PCCA: variants seen among roughly 807,000 people sequenced by gnomAD.
The protein encoded by PCCA is propionyl-CoA carboxylase alpha chain, mitochondrial.
Under a neutral mutation model 101.3 loss-of-function variants are expected in PCCA, and 74 were observed. The ratio of observed to expected loss-of-function variants is 0.73; its 90% CI spans 0.61 to 0.89. The LOEUF (loss-of-function observed/expected upper bound fraction) is 0.89, where lower values mean the gene tolerates loss of function less well. Ranked by LOEUF, PCCA falls within the 40% of genes least tolerant of loss-of-function variation. The probability of loss-of-function intolerance (pLI) is 0.00; values close to 1 mark genes in which losing one functional copy is unlikely to be tolerated. For missense variants in PCCA, 891 were observed against 907.0 expected (o/e 0.98, Z 0.23); for synonymous variants, 294 against 313.6 (o/e 0.94, Z 0.66).
chr13:100,300,788 G>A (rs2066001855), intron 12 of PCCA, among the ~76,000 whole-genome samples: 1 of 152,232 alleles, frequency 6.6e-6, no homozygotes, highest in Non-Finnish European at 1.5e-5. Context: ...ATGTGTTAGT[G>A]CAGAAGGCCA....
At chr13:100,186,744 A>AAAAAAAAAAAC (rs1440286913) in intron 6 of PCCA, among the ~76,000 whole-genome samples, 2 of 151,556 alleles carry the variant, frequency 1.3e-5, no homozygotes, top group Non-Finnish European at 2.9e-5. Context: ...ATCTCAAAAA[A>AAAAAAAAAAAC]AAAACAAAAA....
At chr13:100,493,998 G>T (rs1411503349) in intron 21 of PCCA, among the ~76,000 whole-genome samples, 2 of 151,976 alleles carry the variant, frequency 1.3e-5, no homozygotes, top group Admixed American at 1.3e-4. Context: ...TGACCATCCT[G>T]GCCAACATGG....
At chr13:100,242,846 A>G (rs765459723) in intron 8 of PCCA, among the ~76,000 whole-genome samples, 1 of 152,120 alleles carries the variant, frequency 6.6e-6, no homozygotes, top group Non-Finnish European at 1.5e-5. Flanking sequence ...TTCTTTGCAA[A>G]TGATTGCTTT....
intron 22 of PCCA, among the ~76,000 whole-genome samples, chr13:100,522,192 A>G (rs1382711149): frequency 6.6e-6 from 1 of 152,224 alleles, no homozygotes; most frequent in Non-Finnish European, 1.5e-5. Flanking sequence ...GGTTCCTTGC[A>G]GCGGGCCCAA....
At chr13:100,478,123 C>T (rs542617052) in intron 21 of PCCA, among the ~76,000 whole-genome samples, 1 of 152,294 alleles carries the variant, frequency 6.6e-6, no homozygotes, top group Non-Finnish European at 1.5e-5. Context: ...TGCATTTTAC[C>T]CTGAAGAGGA....
At chr13:100,459,817 T>C (rs906842314) in intron 21 of PCCA, among the ~76,000 whole-genome samples, 1 of 152,188 alleles carries the variant, frequency 6.6e-6, no homozygotes, top group African/African-American at 2.4e-5. Flanking sequence ...GAAGTCTAAG[T>C]AAGGTGCCAG....
intron 13 of PCCA, 146 bp downstream of exon 13, chr13:100,301,749 T>A: frequency 1.0e-6 from 1 of 982,688 alleles, no homozygotes; most frequent in Non-Finnish European, 1.6e-6. Flanking sequence ...AGAAAAAAAT[T>A]AGATAATTTT....
intron 13 of PCCA, among the ~76,000 whole-genome samples, chr13:100,302,323 A>G (rs745720628): frequency 6.6e-6 from 1 of 152,026 alleles, no homozygotes; most frequent in Non-Finnish European, 1.5e-5. Context: ...GGTTTGAAAT[A>G]TTTTTCAAGG....
intron 6 of PCCA, among the ~76,000 whole-genome samples, chr13:100,198,646 A>G (rs1253847074): frequency 6.6e-6 from 1 of 151,992 alleles, no homozygotes; most frequent in Admixed American, 6.6e-5. Flanking sequence ...TAACAGGTGC[A>G]CACCACCATG....
Position 100,112,576 on chromosome 13 carries a change from C to CTTTTT in PCCA, c.300+529_300+533dup, listed in dbSNP as rs5806149. Among the ~76,000 whole-genome samples, 4 of 124,032 alleles carry CTTTTT rather than the reference C, an allele frequency of 3.2e-5. 1 individual carries two copies. In the South Asian group the frequency reaches 8.0e-4, roughly 25 times the overall value. 81.4% of individuals were successfully genotyped at this position (124,032 alleles called of 152,430 possible). ...ATTTGGTACTTTTAACACAGCAGGC[C>CTTTTT]TTTTTTTTTTTTTTTTTTGGGACAG... On this transcript the variant is annotated intron_variant, in intron 4 of 23. Transcript: ENST00000376285.
intron 18 of PCCA, among the ~76,000 whole-genome samples, chr13:100,357,228 A>G (rs2074048289): frequency 6.6e-6 from 1 of 152,232 alleles, no homozygotes; most frequent in South Asian, 2.1e-4. Flanking sequence ...AAATGTATAT[A>G]GTCTGTTACA....
intron 21 of PCCA, among the ~76,000 whole-genome samples, chr13:100,500,737 C>A (rs2085605797): frequency 6.6e-6 from 1 of 152,182 alleles, no homozygotes; most frequent in South Asian, 2.1e-4. Flanking sequence ...TTAGGGACAG[C>A]AACATTGAGG....
chr13:100,241,311 T>G (rs953579667), intron 8 of PCCA, among the ~76,000 whole-genome samples: 1 of 152,170 alleles, frequency 6.6e-6, no homozygotes, highest in Non-Finnish European at 1.5e-5. Flanking sequence ...ATTTACTTAT[T>G]CTGGGGATAT....
intron 11 of PCCA, among the ~76,000 whole-genome samples, chr13:100,269,332 C>A (rs2063153510): frequency 6.6e-6 from 1 of 152,176 alleles, no homozygotes; most frequent in South Asian, 2.1e-4. Context: ...GTTGGGTAGA[C>A]AGCCAACTGT....
intron 21 of PCCA, chr13:100,464,679 A>G (rs1436948250): frequency 6.6e-6 from 1 of 152,208 alleles, no homozygotes; most frequent in Non-Finnish European, 1.5e-5. Flanking sequence ...TTGTAAGTGA[A>G]TATGGAATAG....
At chr13:100,331,758 T>C (rs1296261848) in intron 17 of PCCA, among the ~76,000 whole-genome samples, 1 of 152,142 alleles carries the variant, frequency 6.6e-6, no homozygotes, top group Non-Finnish European at 1.5e-5. Context: ...GATAGTAGTT[T>C]TATACTTTTG....
intron 7 of PCCA, among the ~76,000 whole-genome samples, chr13:100,224,040 C>T (rs1044320154): frequency 4.6e-5 from 7 of 152,242 alleles, no homozygotes; most frequent in Non-Finnish European, 1.0e-4. Flanking sequence ...AGTCCCGCGC[C>T]GTGCGCCCGC....
At chr13:100,258,039 C>T (rs1258645606) in intron 9 of PCCA, among the ~76,000 whole-genome samples, 1 of 152,092 alleles carries the variant, frequency 6.6e-6, no homozygotes, top group Non-Finnish European at 1.5e-5. Context: ...TATTTAAAAG[C>T]AGTTATAATT....
chr13:100,413,555 G>A (rs907341742), intron 19 of PCCA, among the ~76,000 whole-genome samples: 2 of 152,128 alleles, frequency 1.3e-5, no homozygotes, highest in African/African-American at 4.8e-5. Context: ...TCATTTTTGG[G>A]GAGGAGTATA....
Sources: gnomAD v4.1 joint callset for allele counts (sites outside exome capture counted in the v4.1 genomes callset) on GRCh38, gnomAD v4.1.1 for gene constraint, MANE v1.5 for transcripts, NCBI Gene and HGNC (gene_info 2026-07-23, HGNC 2026-07-21) for gene names.